The following TMEM255B variants were observed in gnomAD, a reference collection of about 807,000 sequenced individuals.
TMEM255B encodes transmembrane protein 255B.
A neutral mutation model predicts 34.5 loss-of-function variants in TMEM255B; 35 were observed. The observed-to-expected ratio is 1.01, with a 90% CI of 0.77 to 1.34. The LOEUF (loss-of-function observed/expected upper bound fraction) is 1.34, where lower values mean the gene tolerates loss of function less well. Ranked by LOEUF, TMEM255B falls within the 40% of genes most tolerant of loss-of-function variation. The pLI is 0.00. For missense variants in TMEM255B, 432 were observed against 433.2 expected, an observed-to-expected ratio of 1.00 and a Z score of 0.02; for synonymous variants, 206 against 201.2, an observed-to-expected ratio of 1.02 and a Z score of -0.20.
intron 1 of TMEM255B, among the ~76,000 whole-genome samples, chr13:113,762,600 T>C (rs890651973): frequency 1.3e-5 from 2 of 152,240 alleles, no homozygotes; most frequent in African/African-American, 2.4e-5. Flanking sequence ...AGAGGAGATG[T>C]GTCTAACTCT....
chr13:113,768,025 A>G (rs765851029), intron 2 of TMEM255B: 30 of 354,788 alleles, frequency 8.5e-5, no homozygotes, highest in Admixed American at 4.3e-4. Context: ...ATCACCACAG[A>G]CACACAGACA....
intron 1 of TMEM255B, among the ~76,000 whole-genome samples, chr13:113,765,199 CACGCCCTTGCTGGGTCAGCTGGATAAAA>C (rs1299457138): frequency 1.3e-5 from 2 of 152,332 alleles, no homozygotes; most frequent in South Asian, 2.1e-4. Flanking sequence ...TGACCAAGGC[CACGCCCTTGCTGGGTCAGCTGGATAAAA>C]ATGACTCTCT....
At chr13:113,805,761 G>A (rs776142339) in intron 8 of TMEM255B, among the ~76,000 whole-genome samples, 2 of 152,204 alleles carry the variant, frequency 1.3e-5, no homozygotes, top group African/African-American at 2.4e-5. Flanking sequence ...CTCTCCGGAC[G>A]TGTCCCGTGT....
At chr13:113,761,330 G>A in intron 1 of TMEM255B, 2 of 985,340 alleles carry the variant, frequency 2.0e-6, no homozygotes, top group Non-Finnish European at 2.4e-6. Flanking sequence ...CTGACCTCCA[G>A]CCTCGCGTGT....
intron 3 of TMEM255B, among the ~76,000 whole-genome samples, chr13:113,786,555 A>T (rs61966740): frequency 6.6e-6 from 1 of 150,420 alleles, no homozygotes; most frequent in Non-Finnish European, 1.5e-5. Context: ...ACCATCGTCA[A>T]CATCATCACC....
chr13:113,793,451 C>T (rs1192833177), intron 3 of TMEM255B, among the ~76,000 whole-genome samples: 3 of 150,076 alleles, frequency 2.0e-5, no homozygotes, highest in Admixed American at 6.6e-5. Flanking sequence ...ACGCAGGGAC[C>T]GTGCCGGTCT....
intron 3 of TMEM255B, among the ~76,000 whole-genome samples, chr13:113,794,534 G>A (rs148510840): frequency 4.3e-4 from 66 of 152,212 alleles, no homozygotes; most frequent in African/African-American, 1.2e-3. Flanking sequence ...GCCAGGCACC[G>A]AGAAAAGAAT....
rs1457075601 is a variant in TMEM255B, at chr13:113,813,115, C to T, written c.*1212C>T. Reference sequence around the variant, plus strand: ...GAAAAGTGTTGGATGTGGGGAGAGGCTTTCTCTGAACTCCTGAAGTCAGAT... The same window carrying T: ...GAAAAGTGTTGGATGTGGGGAGAGGTTTTCTCTGAACTCCTGAAGTCAGAT... On this transcript the variant is annotated 3_prime_UTR_variant, in exon 9 of 9. Coordinates refer to ENST00000375353, the MANE Select transcript of TMEM255B (RefSeq NM_182614.4). The T allele has an allele frequency of 7.3e-6, 1 of 137,670 alleles. No individual in the cohort carries two copies. The highest frequency in any genetic ancestry group is 7.7e-5 in the Admixed American group (1 of 12,962). 8.5% of individuals were successfully genotyped at this position (137,670 alleles called of 1,614,324 possible).
intron 2 of TMEM255B, among the ~76,000 whole-genome samples, chr13:113,767,906 A>G (rs1011229785): frequency 2.0e-5 from 3 of 152,234 alleles, no homozygotes; most frequent in African/African-American, 7.2e-5. Context: ...GATATTTTTG[A>G]CGTGTGGAGT....
rs566106717 is a variant in TMEM255B, at chr13:113,807,710, G to A, written c.813+2682G>A. 4.3e-4 allele frequency among the ~76,000 whole-genome samples: 49 copies of A among 113,758 alleles called. 2 individuals are homozygous for A. In the South Asian group the frequency reaches 0.014, roughly 33 times the overall value. The allele number at this position is 113,758 out of a possible 152,430, so 74.6% of individuals were successfully genotyped here. A position where few individuals can be genotyped will look rare whatever the true frequency, so the allele number is the denominator to read the frequency against. ...ACGCAGGCTTACGGGATGTGGGGGT[G>A]GTCCTCCCTGTCACACGTGGGCTTA... On this transcript the variant is annotated intron_variant, in intron 8 of 8. Transcript: ENST00000375353.
At chr13:113,773,818 G>T (rs1156609809) in intron 3 of TMEM255B, among the ~76,000 whole-genome samples, 3 of 152,224 alleles carry the variant, frequency 2.0e-5, no homozygotes. Context: ...CAATGCACAT[G>T]AGAATGTCTT....
In TMEM255B at chr13:113,791,104, T is replaced by A. The variant is rs188395416; in HGVS notation, c.253-4044T>A. ...GCTTCTGTGATGTTTTGGGTGAAAT[T>A]GGGTGGGGGTGAAATATGAACACCT... is the stretch of plus-strand genomic sequence containing the variant. On this transcript the variant is annotated intron_variant, in intron 3 of 8. Coordinates refer to ENST00000375353, the MANE Select transcript of TMEM255B (RefSeq NM_182614.4). Among the ~76,000 whole-genome samples, 361 of 152,276 alleles carry A rather than the reference T, an allele frequency of 2.4e-3. 7 individuals carry two copies. The highest frequency in any genetic ancestry group is 3.2e-4 in the Non-Finnish European group (22 of 68,012).
rs528099540 is a variant in TMEM255B at position 113,796,333 on chromosome 13, C to T, written c.342+1096C>T. Among the ~76,000 whole-genome samples, 19 of 146,348 alleles carry T rather than the reference C, an allele frequency of 1.3e-4. No individual in the cohort carries two copies. In the East Asian group the frequency reaches 3.6e-3, roughly 28 times the overall value. On this transcript the variant is annotated intron_variant, in intron 4 of 8. Coordinates refer to ENST00000375353, the MANE Select transcript of TMEM255B (RefSeq NM_182614.4). ...TACACACCTCACACACCACACAGAGCACATACCACACAGAGTACACACCTC... is the reference window on the plus strand; with the variant it reads ...TACACACCTCACACACCACACAGAGTACATACCACACAGAGTACACACCTC...
intron 7 of TMEM255B, chr13:113,803,345 G>C (rs2051101288): frequency 6.7e-6 from 1 of 148,238 alleles, no homozygotes; most frequent in African/African-American, 2.5e-5. Flanking sequence ...GAGTTTAACT[G>C]ATTTTGCCAT....
At position 113,811,944 on chromosome 13, in the gene TMEM255B, T is replaced by TAAA. The variant is rs748900324; in HGVS notation, c.*41_*42insAAA. ...AAAGATAACTTGTTTGTTTTTTTTT[T>TAAA]TAAAAAAAAGGCAGCCTCTAGAAAT... is the stretch of plus-strand genomic sequence containing the variant. On this transcript the variant is annotated 3_prime_UTR_variant, in exon 9 of 9. Transcript: ENST00000375353. 4.5e-5 allele frequency: 66 copies of TAAA among 1,473,234 alleles called. No homozygotes were observed. The African/African-American group carries it at 1.0e-3, about 23-fold the overall frequency. 91.3% of individuals were successfully genotyped at this position (1,473,234 alleles called of 1,614,324 possible). A position where few individuals can be genotyped will look rare whatever the true frequency, so the allele number is the denominator to read the frequency against.
intron 3 of TMEM255B, among the ~76,000 whole-genome samples, chr13:113,786,850 C>T (rs1045689865): frequency 6.6e-6 from 1 of 152,184 alleles, no homozygotes; most frequent in African/African-American, 2.4e-5. Context: ...GGGCTGGTGG[C>T]GTTGGAGATC....
At chr13:113,809,309 TGG>T (rs2051255124) in intron 8 of TMEM255B, among the ~76,000 whole-genome samples, 1 of 30,810 alleles carries the variant, frequency 3.2e-5, no homozygotes, top group Non-Finnish European at 6.9e-5. Context: ...CTGTGGTTCC[TGG>T]GGGTTTACTC....
chr13:113,775,039 C>G (rs1429736270), intron 3 of TMEM255B, among the ~76,000 whole-genome samples: 2 of 103,064 alleles, frequency 1.9e-5, no homozygotes, highest in Non-Finnish European at 4.1e-5. Context: ...ACATGACACA[C>G]ATTGCACACA....
intron 4 of TMEM255B, among the ~76,000 whole-genome samples, chr13:113,798,107 G>A (rs997780786): frequency 2.6e-5 from 4 of 152,188 alleles, no homozygotes; most frequent in African/African-American, 9.7e-5. Context: ...ATAATGGGTG[G>A]ATGACAGGAA....
Sources: allele counts gnomAD v4.1 joint callset (sites outside exome capture counted in the v4.1 genomes callset), GRCh38; gene constraint gnomAD v4.1.1; transcripts MANE v1.5; gene names NCBI Gene and HGNC (gene_info 2026-07-23, HGNC 2026-07-21).